The following KALRN variants were observed in gnomAD, a reference collection of about 807,000 sequenced individuals.
The protein encoded by KALRN is kalirin.
KALRN carries 70 observed loss-of-function variants against 353.7 expected under a neutral mutation model. The observed-to-expected ratio is 0.20, with a 90% CI of 0.16 to 0.24. The LOEUF (loss-of-function observed/expected upper bound fraction) is 0.24. Ranked by LOEUF, KALRN falls within the 10% of genes least tolerant of loss-of-function variation. KALRN has a pLI of 1.00. For synonymous variants in KALRN, 1,391 were observed against 1,434.8 expected (o/e 0.97, Z 0.69); for missense variants, 2,791 against 3,756.7 (o/e 0.74, Z 6.72).
chr3:124,342,486 G>T (rs755527378), intron 9 of KALRN, among the ~76,000 whole-genome samples: 3 of 152,158 alleles, frequency 2.0e-5, no homozygotes, highest in South Asian at 2.1e-4. Context: ...CAGAAGACAT[G>T]ATTTCATTCT....
rs149852828 is a variant in KALRN at position 124,262,860 on chromosome 3, A to G, written c.264-1638A>G. ...CACATATGTGGGTCAGGTAACATAC[A>G]TAGTGGTTTAAACAAGTGCAGTCTG... On this transcript the variant is annotated intron_variant, in intron 3 of 59. Coordinates refer to ENST00000682506, the MANE Select transcript of KALRN (RefSeq NM_001388419.1). Among the ~76,000 whole-genome samples the G allele has an allele frequency of 1.1e-3, 160 of 152,356 alleles. 1 individual carries two copies. The highest frequency in any genetic ancestry group is 3.7e-3 in the African/African-American group (153 of 41,584).
chr3:124,480,876 A>G (rs1419637516), intron 27 of KALRN, among the ~76,000 whole-genome samples: 3 of 152,244 alleles, frequency 2.0e-5, no homozygotes, highest in East Asian at 3.8e-4. Context: ...TGTTGCATGC[A>G]TCAGAACTTC....
chr3:124,619,005 T>C (rs2078971598), intron 34 of KALRN, among the ~76,000 whole-genome samples: 1 of 152,222 alleles, frequency 6.6e-6, no homozygotes, highest in African/African-American at 2.4e-5. Flanking sequence ...GACATGATGT[T>C]ATAGGATACA....
intron 55 of KALRN, among the ~76,000 whole-genome samples, chr3:124,698,116 A>C (rs1225711365): frequency 2.0e-5 from 3 of 151,996 alleles, no homozygotes; most frequent in Admixed American, 2.0e-4. Flanking sequence ...ACTAAAGCGC[A>C]CACCACCACA....
At chr3:124,142,130 C>T (rs2066700988) in intron 1 of KALRN, among the ~76,000 whole-genome samples, 2 of 152,228 alleles carry the variant, frequency 1.3e-5, no homozygotes, top group South Asian at 4.1e-4. Flanking sequence ...GTGATACTCA[C>T]CTCTGCTCTT....
At chr3:124,141,196 C>T (rs1033756408) in intron 1 of KALRN, among the ~76,000 whole-genome samples, 4 of 152,186 alleles carry the variant, frequency 2.6e-5, no homozygotes, top group Non-Finnish European at 5.9e-5. Flanking sequence ...TAGCTCCTTC[C>T]CTGGCTTTCT....
intron 8 of KALRN, among the ~76,000 whole-genome samples, chr3:124,332,513 G>A (rs2080688625): frequency 6.6e-6 from 1 of 152,108 alleles, no homozygotes; most frequent in African/African-American, 2.4e-5. Context: ...TCAATTCCCA[G>A]TCATCCCTGT....
chr3:124,398,995 C>T (rs1440873799), intron 13 of KALRN, 124 bp downstream of exon 13: 1 of 945,704 alleles, frequency 1.1e-6, no homozygotes, highest in Non-Finnish European at 1.5e-6. Flanking sequence ...TTTTTAGAAC[C>T]CAAGAAATTC....
At chr3:124,309,678 C>CA (rs1169542566) in intron 6 of KALRN, among the ~76,000 whole-genome samples, 8 of 151,508 alleles carry the variant, frequency 5.3e-5, no homozygotes, top group African/African-American at 1.9e-4. Flanking sequence ...AAAAAAAAAA[C>CA]AAAAATCATG....
intron 51 of KALRN, among the ~76,000 whole-genome samples, chr3:124,685,761 C>T (rs2061527899): frequency 6.6e-6 from 1 of 152,214 alleles, no homozygotes; most frequent in South Asian, 2.1e-4. Flanking sequence ...ACTGGTTTCT[C>T]AGGTCAACAT....
At chr3:124,323,871 C>T (rs1040844281) in intron 6 of KALRN, among the ~76,000 whole-genome samples, 3 of 152,210 alleles carry the variant, frequency 2.0e-5, no homozygotes, top group Non-Finnish European at 4.4e-5. Context: ...TGGCCTCAGC[C>T]TGCCCTGGGG....
chr3:124,246,448 A>G (rs192684259), intron 3 of KALRN, among the ~76,000 whole-genome samples: 1 of 152,312 alleles, frequency 6.6e-6, no homozygotes, highest in Admixed American at 6.5e-5. Flanking sequence ...TGAAATCTAA[A>G]AAGGGCTTGC....
chr3:124,065,691 C>T lies in KALRN; in HGVS notation c.73+31878C>T, dbSNP rs532122077. 4.3e-3 allele frequency among the ~76,000 whole-genome samples: 652 copies of T among 149,910 alleles called. 1 individual carries two copies. Among genetic ancestry groups the T allele is most frequent in the Non-Finnish European group, 7.1e-3 (482 of 67,812 alleles). The stretch of plus-strand genomic sequence containing the variant: ...GAAGCCAGACTGCATGGGCCCAAAT[C>T]GTGGCATGTGGTTTTAACCTATGTG... On this transcript the variant is annotated intron_variant, in intron 1 of 59. Transcript: ENST00000682506.
At chr3:124,063,563 T>C (rs1407588933) in intron 1 of KALRN, among the ~76,000 whole-genome samples, 1 of 152,108 alleles carries the variant, frequency 6.6e-6, no homozygotes, top group Non-Finnish European at 1.5e-5. Context: ...TTGGCAAACA[T>C]TGGGAGCAGC....
At chr3:124,351,000 C>T (rs1206454732) in intron 10 of KALRN, among the ~76,000 whole-genome samples, 2 of 152,120 alleles carry the variant, frequency 1.3e-5, no homozygotes, top group South Asian at 4.1e-4. Flanking sequence ...GATTGTTAGT[C>T]CACATAGGAA....
intron 1 of KALRN, among the ~76,000 whole-genome samples, chr3:124,132,455 G>A (rs1189282451): frequency 6.6e-6 from 1 of 152,210 alleles, no homozygotes; most frequent in African/African-American, 2.4e-5. Flanking sequence ...AGTGAGCACT[G>A]CAGCACCGCA....
chr3:124,085,194 C>G (rs1210787690), intron 1 of KALRN, among the ~76,000 whole-genome samples: 1 of 152,258 alleles, frequency 6.6e-6, no homozygotes, highest in African/African-American at 2.4e-5. Context: ...ACAGTTCTTC[C>G]TGCCTTGTCC....
chr3:124,300,133 CA>C (rs2077151365), intron 6 of KALRN, among the ~76,000 whole-genome samples: 1 of 152,148 alleles, frequency 6.6e-6, no homozygotes, highest in Non-Finnish European at 1.5e-5. Flanking sequence ...ATATGCTATG[CA>C]CTAGAGTTAA....
chr3:124,227,806 TG>T (rs1215050446), intron 1 of KALRN, among the ~76,000 whole-genome samples, 183 bp from the exon 2 acceptor site: 1 of 150,958 alleles, frequency 6.6e-6, no homozygotes, highest in Non-Finnish European at 1.5e-5. Flanking sequence ...CCCCTATGGC[TG>T]GCATGATGTG....
Sources: gnomAD v4.1 joint callset for allele counts (sites outside exome capture counted in the v4.1 genomes callset) on GRCh38, gnomAD v4.1.1 for gene constraint, MANE v1.5 for transcripts, NCBI Gene and HGNC (gene_info 2026-07-23, HGNC 2026-07-21) for gene names.